The following CREBZF variants were observed in gnomAD, a reference collection of about 807,000 sequenced individuals.
The protein encoded by CREBZF is CREB/ATF bZIP transcription factor.
CREBZF carries 8 observed loss-of-function variants against 21.1 expected under a neutral mutation model. That is an observed-to-expected ratio of 0.38 (90% CI 0.22 to 0.68). The LOEUF (loss-of-function observed/expected upper bound fraction) is 0.68. CREBZF is among the 30% of genes least tolerant of loss of function. CREBZF has a pLI of 0.51. For synonymous variants in CREBZF, 270 were observed against 223.3 expected (o/e 1.21, Z -1.86); for missense variants, 518 against 484.3 (o/e 1.07, Z -0.65).
Position 85,663,910 on chromosome 11 carries a change from G to A in CREBZF, c.966C>T (p.Asp322=), listed in dbSNP as rs767795438. Residue 322 remains aspartate, a synonymous_variant, in exon 1 of 1, where the codon GAC becomes GAT. Transcript: ENST00000527447. ...CATGGAGACAGACTCCTCCCGCCGA[G>A]TCGTCCTCTTCCAGCAGGTCCTGCT... is the stretch of plus-strand genomic sequence containing the variant. ...KQKQDLLEED[D]SAGGVCLHVD... is the part of the protein sequence containing the mutation. 3 of 1,613,576 alleles carry A rather than the reference G, an allele frequency of 1.9e-6. No individual in the cohort carries two copies. Among genetic ancestry groups the A allele is most frequent in the South Asian group, 1.1e-5 (1 of 91,084 alleles).
intron 1 of CREBZF, among the ~76,000 whole-genome samples, chr11:85,672,365 T>A (rs1168806946): frequency 6.6e-6 from 1 of 152,246 alleles, no homozygotes; most frequent in Non-Finnish European, 1.5e-5. Flanking sequence ...CTCTCCATTG[T>A]CTTGGTGATT....
Position 85,664,720 on chromosome 11 carries a change from G to A in CREBZF, c.156C>T (p.Gly52=). The A allele has an allele frequency of 6.2e-7, 1 of 1,604,172 alleles. No homozygotes were observed. Among genetic ancestry groups the A allele is most frequent in the South Asian group, 1.1e-5 (1 of 90,274 alleles). The change falls in exon 1 of 1, where the codon GGC becomes GGT. Residue 52 remains glycine, a synonymous_variant. Coordinates refer to ENST00000527447, the MANE Select transcript of CREBZF (RefSeq NM_001039618.4). The surrounding 1 kb of genome is among the most constrained non-coding windows in gnomAD (Gnocchi z 5.5). ...EEETAAAGSP[G]RKQQFGDEGE... is the part of the protein sequence containing the mutation. Reference sequence around the variant, plus strand: ...CTTCGTCGCCAAACTGCTGCTTGCGGCCGGGAGATCCGGCCGCCGCCGTCT... The same window carrying A: ...CTTCGTCGCCAAACTGCTGCTTGCGACCGGGAGATCCGGCCGCCGCCGTCT...
At chr11:85,666,483 G>A (rs2082864707), upstream of CREBZF, among the ~76,000 whole-genome samples, 1 of 152,172 alleles carries the variant, frequency 6.6e-6, no homozygotes, top group South Asian at 2.1e-4. Flanking sequence ...AACAAAAAAA[G>A]AGAAATGAAT....
At chr11:85,670,730 T>C (rs995353321) in intron 1 of CREBZF, among the ~76,000 whole-genome samples, 2 of 152,186 alleles carry the variant, frequency 1.3e-5, no homozygotes, top group Non-Finnish European at 2.9e-5. Flanking sequence ...CTCGATAGAT[T>C]AGAAGAAGAG....
Position 85,659,414 on chromosome 11 carries a change from GC to G in CREBZF, c.*4396del, listed in dbSNP as rs1190820039. ...GCCTTTGGTTCTGGAATTATAACTAGCTGTACTGTAGGAGCATCAGCGCCTA... is the reference window on the plus strand; with the variant it reads ...GCCTTTGGTTCTGGAATTATAACTAGTGTACTGTAGGAGCATCAGCGCCTA... On this transcript the variant is annotated 3_prime_UTR_variant, in exon 1 of 1. Transcript: ENST00000527447. 6.6e-6 allele frequency among the ~76,000 whole-genome samples: 1 copy of G among 152,058 alleles called. No homozygotes were observed. The highest frequency in any genetic ancestry group is 1.5e-5 in the Non-Finnish European group (1 of 67,938).
In CREBZF at chr11:85,659,011, A is replaced by G. The variant is rs2153316246; in HGVS notation, c.*4800T>C. On this transcript the variant is annotated 3_prime_UTR_variant, in exon 1 of 1. Transcript: ENST00000527447. Reference sequence around the variant, plus strand: ...AGGCTACACAGAGGTACTGAAATTCAAATCTGAAAAATACTGTGCTGGCCA... The same window carrying G: ...AGGCTACACAGAGGTACTGAAATTCGAATCTGAAAAATACTGTGCTGGCCA... 6.6e-6 allele frequency among the ~76,000 whole-genome samples: 1 copy of G among 152,176 alleles called. No homozygotes were observed. The highest frequency in any genetic ancestry group is 2.1e-4 in the South Asian group (1 of 4,832).
chr11:85,674,272 T>C (rs1442011996), intron 1 of CREBZF, among the ~76,000 whole-genome samples: 1 of 152,252 alleles, frequency 6.6e-6, no homozygotes, highest in Non-Finnish European at 1.5e-5. Context: ...ATGGATGTTG[T>C]GTAAGCAGGC....
Position 85,664,105 on chromosome 11 carries a change from T to C in CREBZF, c.771A>G (p.Val257=). The C allele has an allele frequency of 6.2e-7, 1 of 1,613,654 alleles. No homozygotes were observed. Among genetic ancestry groups the C allele is most frequent in the African/African-American group, 1.3e-5 (1 of 75,064 alleles). ...RAENRELGKR[V]QALQEESRYL... ...AGCGACTCTCCTCCTGCAGTGCCTG[T>C]ACGCGTTTGCCCAGCTCCCGATTCT... is the stretch of plus-strand genomic sequence containing the variant. The change falls in exon 1 of 1, where the codon GTA becomes GTG. Residue 257 remains valine, a synonymous_variant. Transcript: ENST00000527447. The surrounding 1 kb of genome is among the most constrained non-coding windows in gnomAD (Gnocchi z 5.5).
At chr11:85,675,570 T>C (rs2082937005) in intron 1 of CREBZF, among the ~76,000 whole-genome samples, 1 of 152,102 alleles carries the variant, frequency 6.6e-6, no homozygotes, top group East Asian at 1.9e-4. Flanking sequence ...ATGACAGAGA[T>C]ATTAATAATG....
At chr11:85,679,976 G>T (rs1591493593) in intron 1 of CREBZF, among the ~76,000 whole-genome samples, 1 of 152,234 alleles carries the variant, frequency 6.6e-6, no homozygotes, top group South Asian at 2.1e-4. Flanking sequence ...TATTCACATA[G>T]TTCAAAAGTC....
intron 1 of CREBZF, among the ~76,000 whole-genome samples, chr11:85,679,593 G>A (rs1011132082): frequency 7.9e-5 from 12 of 152,060 alleles, no homozygotes; most frequent in Non-Finnish European, 1.0e-4. Context: ...TAAGAAAACC[G>A]GCTCTCTAAA....
Position 85,664,271 on chromosome 11 carries a change from T to C in CREBZF, c.605A>G (p.Asn202Ser), listed in dbSNP as rs1359778462. Residue 202 changes from asparagine to serine, a missense_variant, in exon 1 of 1, where the codon AAC becomes AGC. By Grantham distance (46) the Asn-to-Ser change is conservative. Around this residue, in one of 3 missense-constraint regions of CREBZF, gnomAD observed 396 missense variants for 324.4 expected, o/e 1.22. Coordinates refer to ENST00000527447, the MANE Select transcript of CREBZF (RefSeq NM_001039618.4). This position sits in a 1 kb window ranked among gnomAD's most constrained non-coding sequence, Gnocchi z 5.5. Reference protein sequence around the residue: ...GGGGGGSGNDNNQAATKSPRK... With the variant: ...GGGGGGSGNDSNQAATKSPRK... ...GGGACTCTTTGTCGCCGCCTGGTTG[T>C]TGTCGTTACCGCTGCCGCCACCGCC... The C allele has an allele frequency of 3.1e-6, 5 of 1,612,726 alleles. No homozygotes were observed. The highest frequency in any genetic ancestry group is 1.1e-5 in the South Asian group (1 of 91,078).
upstream of CREBZF, among the ~76,000 whole-genome samples, chr11:85,665,368 T>A (rs2082845082): frequency 6.6e-6 from 1 of 152,154 alleles, no homozygotes; most frequent in South Asian, 2.1e-4. Flanking sequence ...CATAAATGCT[T>A]GTAAATTTTT....
At chr11:85,667,282 A>G (rs1166763282), upstream of CREBZF, among the ~76,000 whole-genome samples, 1 of 148,728 alleles carries the variant, frequency 6.7e-6, no homozygotes, top group Non-Finnish European at 1.5e-5. Flanking sequence ...CATGTTGGTC[A>G]GGCTGGTCTC....
chr11:85,682,609 C>T, intron 1 of CREBZF: 1 of 353,876 alleles, frequency 2.8e-6, no homozygotes, highest in South Asian at 2.7e-5. Flanking sequence ...GCCCTACTCC[C>T]CCCAACGCGA....
upstream of CREBZF, among the ~76,000 whole-genome samples, chr11:85,665,329 A>C (rs778635067): frequency 1.3e-5 from 2 of 152,176 alleles, no homozygotes; most frequent in African/African-American, 2.4e-5. Flanking sequence ...AGTTCAACAC[A>C]ACATTTTGCT....
chr11:85,670,658 C>T (rs2082905906), intron 1 of CREBZF, among the ~76,000 whole-genome samples: 2 of 152,088 alleles, frequency 1.3e-5, no homozygotes, highest in African/African-American at 4.8e-5. Context: ...CAACTCATCC[C>T]CTGAGACATG....
chr11:85,670,862 G>A (rs1192591607), intron 1 of CREBZF, among the ~76,000 whole-genome samples: 5 of 152,190 alleles, frequency 3.3e-5, no homozygotes, highest in Admixed American at 2.6e-4. Flanking sequence ...TTGGCAGTAG[G>A]ATTTTTACAG....
intron 1 of CREBZF, among the ~76,000 whole-genome samples, chr11:85,674,878 A>G (rs997417121): frequency 2.6e-5 from 4 of 152,184 alleles, no homozygotes; most frequent in East Asian, 3.9e-4. Context: ...GCTAATTCCA[A>G]ATCATTTCTT....
Sources: gnomAD v4.1 joint callset for allele counts (sites outside exome capture counted in the v4.1 genomes callset) on GRCh38, gnomAD v4.1.1 for gene constraint, gnomAD v4.1.1 regional missense constraint, Gnocchi (gnomAD v3.1) non-coding constraint, MANE v1.5 for transcripts, NCBI Gene and HGNC (gene_info 2026-07-23, HGNC 2026-07-21) for gene names.